The following OLA1 variants were observed in gnomAD, a reference collection of about 807,000 sequenced individuals.
OLA1 encodes the protein obg-like ATPase 1.
Under a neutral mutation model 48.4 loss-of-function variants are expected in OLA1, and 14 were observed. That is an observed-to-expected ratio of 0.29 (90% confidence interval 0.19 to 0.45). OLA1 has a LOEUF of 0.45. OLA1 is among the 20% of genes least tolerant of loss of function. OLA1 has a pLI of 1.00. For synonymous variants in OLA1, 127 were observed against 150.4 expected, an observed-to-expected ratio of 0.84 and a Z score of 1.14; for missense variants, 325 against 467.1, an observed-to-expected ratio of 0.70 and a Z score of 2.80.
chr2:174,210,895 A>G (rs765486525), intron 4 of OLA1, among the ~76,000 whole-genome samples: 6 of 152,178 alleles, frequency 3.9e-5, no homozygotes, highest in Non-Finnish European at 7.4e-5. Context: ...GAAAAAGAAA[A>G]GGCCATATGA....
intron 7 of OLA1, among the ~76,000 whole-genome samples, chr2:174,083,897 T>A (rs1240546714): frequency 6.6e-6 from 1 of 152,210 alleles, no homozygotes; most frequent in Non-Finnish European, 1.5e-5. Context: ...AGAACTGTTA[T>A]GAAACAACAA....
chr2:174,191,082 T>C (rs2105423124), intron 4 of OLA1, among the ~76,000 whole-genome samples: 1 of 152,122 alleles, frequency 6.6e-6, no homozygotes, highest in Non-Finnish European at 1.5e-5. Flanking sequence ...TATATTTGTA[T>C]CCTTGAAAAT....
chr2:174,171,487 A>G (rs1687302251), intron 4 of OLA1, among the ~76,000 whole-genome samples: 1 of 152,192 alleles, frequency 6.6e-6, no homozygotes, highest in African/African-American at 2.4e-5. Context: ...AGCTCCAAAT[A>G]CTTGGAAATA....
intron 7 of OLA1, among the ~76,000 whole-genome samples, chr2:174,083,320 G>C (rs940987299): frequency 1.3e-5 from 2 of 152,108 alleles, no homozygotes; most frequent in Non-Finnish European, 2.9e-5. Flanking sequence ...CAGGGGAGCA[G>C]AGTTATTAGA....
intron 4 of OLA1, among the ~76,000 whole-genome samples, chr2:174,200,286 C>A (rs1347364320): frequency 1.3e-5 from 2 of 152,022 alleles, no homozygotes; most frequent in South Asian, 2.1e-4. Flanking sequence ...GCTATTAATA[C>A]CAATTCCTTC....
At chr2:174,245,349 G>C (rs1044927543) in intron 2 of OLA1, among the ~76,000 whole-genome samples, 1 of 152,120 alleles carries the variant, frequency 6.6e-6, no homozygotes, top group African/African-American at 2.4e-5. Context: ...AGCCACACTT[G>C]CTCATGTTTT....
At chr2:174,180,104 G>C (rs1687499745) in intron 4 of OLA1, among the ~76,000 whole-genome samples, 1 of 151,882 alleles carries the variant, frequency 6.6e-6, no homozygotes, top group Non-Finnish European at 1.5e-5. Context: ...TACTGTAATT[G>C]AAGCACACTG....
At chr2:174,230,945 G>T (rs1218926057) in intron 2 of OLA1, among the ~76,000 whole-genome samples, 1 of 152,182 alleles carries the variant, frequency 6.6e-6, no homozygotes, top group African/African-American at 2.4e-5. Context: ...TTACCCTGGG[G>T]ACCTGTGCCC....
chr2:174,188,531 T>G (rs888613222), intron 4 of OLA1, among the ~76,000 whole-genome samples: 3 of 152,168 alleles, frequency 2.0e-5, no homozygotes, highest in Admixed American at 6.5e-5. Context: ...TGAGTTACCC[T>G]GAACACATTA....
intron 2 of OLA1, among the ~76,000 whole-genome samples, chr2:174,235,909 C>G (rs1392201894): frequency 6.6e-6 from 1 of 152,158 alleles, no homozygotes; most frequent in Non-Finnish European, 1.5e-5. Context: ...CTATGAGCCA[C>G]AGTGGAGAGA....
At chr2:174,187,310 G>C (rs1687678300) in intron 4 of OLA1, among the ~76,000 whole-genome samples, 1 of 152,158 alleles carries the variant, frequency 6.6e-6, no homozygotes, top group Admixed American at 6.6e-5. Flanking sequence ...GCCCCAGAAA[G>C]ATACTGACTA....
At chr2:174,140,940 T>G (rs1220981217) in intron 5 of OLA1, among the ~76,000 whole-genome samples, 1 of 152,154 alleles carries the variant, frequency 6.6e-6, no homozygotes, top group Non-Finnish European at 1.5e-5. Context: ...ATTTTATTTA[T>G]TTATTTATTT....
intron 4 of OLA1, among the ~76,000 whole-genome samples, chr2:174,217,549 C>A (rs761273176): frequency 1.3e-5 from 2 of 152,080 alleles, no homozygotes; most frequent in Non-Finnish European, 2.9e-5. Flanking sequence ...AAGTGACATA[C>A]AACAAAATGT....
chr2:174,127,321 C>T (rs1686067975), intron 5 of OLA1, among the ~76,000 whole-genome samples: 1 of 152,154 alleles, frequency 6.6e-6, no homozygotes, highest in African/African-American at 2.4e-5. Context: ...AGACATCCCC[C>T]AAGGTTGTTA....
Position 174,075,213 on chromosome 2 carries a change from G to A in OLA1, c.*213C>T, listed in dbSNP as rs1434006445. ...ATTTGGAGTAGGGTCTTAATCACGT[G>A]AAAAGCAAAGCTGTTCACATTTAGT... On this transcript the variant is annotated 3_prime_UTR_variant, in exon 11 of 11. Coordinates refer to ENST00000284719, the MANE Select transcript of OLA1 (RefSeq NM_013341.5). 4.4e-6 allele frequency: 2 copies of A among 452,390 alleles called. No individual in the cohort carries two copies. The highest frequency in any genetic ancestry group is 4.5e-5 in the African/African-American group (2 of 44,704). 28.0% of individuals were successfully genotyped at this position (452,390 alleles called of 1,614,324 possible).
intron 4 of OLA1, among the ~76,000 whole-genome samples, chr2:174,174,485 A>G (rs1326416980): frequency 6.6e-6 from 1 of 152,066 alleles, no homozygotes; most frequent in Non-Finnish European, 1.5e-5. Context: ...ATTCAGGATA[A>G]AAACTCTCAG....
intron 4 of OLA1, among the ~76,000 whole-genome samples, chr2:174,142,278 T>C (rs1686472417): frequency 6.6e-6 from 1 of 152,214 alleles, no homozygotes; most frequent in South Asian, 2.1e-4. Flanking sequence ...ACTACTGGCA[T>C]TTCCAAGTTT....
In OLA1 at chr2:174,075,265, GGT is replaced by G; in HGVS notation, c.*159_*160del. The G allele has an allele frequency of 3.9e-6, 2 of 514,660 alleles. No homozygotes were observed. The highest frequency in any genetic ancestry group is 6.9e-6 in the Non-Finnish European group (2 of 290,310). 31.9% of individuals were successfully genotyped at this position (514,660 alleles called of 1,614,324 possible). A position where few individuals can be genotyped will look rare whatever the true frequency, so the allele number is the denominator to read the frequency against. On this transcript the variant is annotated 3_prime_UTR_variant, in exon 11 of 11. Coordinates refer to ENST00000284719, the MANE Select transcript of OLA1 (RefSeq NM_013341.5). The stretch of plus-strand genomic sequence containing the variant: ...AACCTGCATTTCATGGGGGGGGGGG[GGT>G]ACACAGTATTTTAATTTTAAAACAA...
intron 2 of OLA1, among the ~76,000 whole-genome samples, chr2:174,237,393 G>A (rs1195939231): frequency 6.6e-6 from 1 of 151,998 alleles, no homozygotes; most frequent in Non-Finnish European, 1.5e-5. Context: ...ACTGCCAACG[G>A]CTGTTTTACA....
Sources: allele counts gnomAD v4.1 joint callset (sites outside exome capture counted in the v4.1 genomes callset), GRCh38; gene constraint gnomAD v4.1.1; transcripts MANE v1.5; gene names NCBI Gene and HGNC (gene_info 2026-07-23, HGNC 2026-07-21).